ADD3: variants seen among roughly 807,000 people sequenced by gnomAD.
The protein encoded by ADD3 is gamma-adducin.
In ADD3, 25 loss-of-function variants were observed where a neutral mutation model predicts 80.2. The observed-to-expected ratio is 0.31, with a 90% CI of 0.23 to 0.44. The LOEUF (loss-of-function observed/expected upper bound fraction) is 0.44. Ranked by LOEUF, ADD3 falls within the 20% of genes least tolerant of loss-of-function variation. The pLI is 1.00. For synonymous variants in ADD3, 284 were observed against 289.6 expected, an observed-to-expected ratio of 0.98 and a Z score of 0.20; for missense variants, 829 against 847.5, an observed-to-expected ratio of 0.98 and a Z score of 0.27.
At chr10:110,115,723 A>G (rs1351201883) in intron 3 of ADD3, among the ~76,000 whole-genome samples, 3 of 152,214 alleles carry the variant, frequency 2.0e-5, no homozygotes. Flanking sequence ...GTCAAGGAGA[A>G]TGAAGACTGA....
chr10:110,080,792 A>C (rs955890626), intron 1 of ADD3, among the ~76,000 whole-genome samples: 4 of 152,220 alleles, frequency 2.6e-5, no homozygotes, highest in Non-Finnish European at 5.9e-5. Context: ...GTTAAATGCT[A>C]AAACTGACAT....
At chr10:110,049,063 A>C (rs1365878279) in intron 1 of ADD3, among the ~76,000 whole-genome samples, 1 of 152,162 alleles carries the variant, frequency 6.6e-6, no homozygotes, top group African/African-American at 2.4e-5. Context: ...CAATCACTCT[A>C]GCCATGGCTA....
chr10:110,104,586 A>G lies in ADD3; in HGVS notation c.195+3738A>G, dbSNP rs577757401. On this transcript the variant is annotated intron_variant, in intron 2 of 14. Coordinates refer to ENST00000356080, the MANE Select transcript of ADD3 (RefSeq NM_016824.5). Reference sequence around the variant, plus strand: ...AAAATCCATAACCAATAAAGATTAAAGTCAGATTTTACTAATTCATGTTTG... The same window carrying G: ...AAAATCCATAACCAATAAAGATTAAGGTCAGATTTTACTAATTCATGTTTG... Among the ~76,000 whole-genome samples, 183 of 152,376 alleles carry G rather than the reference A, an allele frequency of 1.2e-3. 2 individuals carry two copies. The South Asian group carries it at 0.018, about 15-fold the overall frequency.
chr10:110,112,713 C>T (rs754085841), intron 2 of ADD3, 64 bp from the exon 3 acceptor site: 59 of 1,542,836 alleles, frequency 3.8e-5, no homozygotes, highest in Non-Finnish European at 4.2e-5. Flanking sequence ...TTGATTGTAT[C>T]GGAACAAGTT....
intron 1 of ADD3, among the ~76,000 whole-genome samples, chr10:110,052,823 T>C (rs1261237623): frequency 6.6e-6 from 1 of 152,206 alleles, no homozygotes; most frequent in South Asian, 2.1e-4. Context: ...CTAAGGTCCA[T>C]TCAAAGACAG....
intron 8 of ADD3, 80 bp downstream of exon 8, chr10:110,119,644 C>A: frequency 8.2e-7 from 1 of 1,224,684 alleles, no homozygotes; most frequent in East Asian, 2.3e-5. Flanking sequence ...TTTGCAAATA[C>A]ATATTAGTTA....
At chr10:110,030,169 C>T (rs1283292532) in intron 1 of ADD3, among the ~76,000 whole-genome samples, 1 of 149,906 alleles carries the variant, frequency 6.7e-6, no homozygotes, top group Non-Finnish European at 1.5e-5. Flanking sequence ...ACTAAAAATA[C>T]AAAATTAGCC....
At chr10:110,025,176 G>A (rs950800204) in intron 1 of ADD3, among the ~76,000 whole-genome samples, 2 of 152,080 alleles carry the variant, frequency 1.3e-5, no homozygotes, top group Non-Finnish European at 2.9e-5. Context: ...GATTACAGGT[G>A]TGAGCCACCG....
intron 1 of ADD3, among the ~76,000 whole-genome samples, chr10:110,031,010 T>C (rs960559804): frequency 6.6e-6 from 1 of 151,884 alleles, no homozygotes; most frequent in Non-Finnish European, 1.5e-5. Flanking sequence ...GCACGGTGGC[T>C]CACGCCTGTA....
At chr10:110,066,229 A>C (rs1402734302) in intron 1 of ADD3, among the ~76,000 whole-genome samples, 1 of 152,056 alleles carries the variant, frequency 6.6e-6, no homozygotes, top group Non-Finnish European at 1.5e-5. Context: ...AAAGACAGAT[A>C]AGGCTTTTTG....
chr10:110,058,933 T>G (rs1418632597), intron 1 of ADD3, among the ~76,000 whole-genome samples: 1 of 152,226 alleles, frequency 6.6e-6, no homozygotes, highest in Non-Finnish European at 1.5e-5. Context: ...AACACTGTCT[T>G]CCTTCTTTCC....
At chr10:110,015,098 G>A (rs1852798892) in intron 1 of ADD3, among the ~76,000 whole-genome samples, 1 of 152,096 alleles carries the variant, frequency 6.6e-6, no homozygotes, top group African/African-American at 2.4e-5. Context: ...TGGGAAGGTA[G>A]AATTTTTAAG....
At chr10:110,128,049 A>ATTTTTTTTTTTTTTTTTTTTTTTTTTT (rs71486096) in intron 12 of ADD3, among the ~76,000 whole-genome samples, 1 of 106,016 alleles carries the variant, frequency 9.4e-6, no homozygotes, top group Non-Finnish European at 1.9e-5. Context: ...TTTGTTTAGG[A>ATTTTTTTTTTTTTTTTTTTTTTTTTTT]TTTTTTTTTT....
In ADD3 at chr10:110,111,387, T is replaced by C. The variant is rs543952544; in HGVS notation, c.196-1390T>C. Among the ~76,000 whole-genome samples, 7 of 152,306 alleles carry C rather than the reference T, an allele frequency of 4.6e-5. No homozygotes were observed. The East Asian group carries it at 1.2e-3, about 25-fold the overall frequency. ...AAATGACAAACTTAATAAGTGTTGG[T>C]TGGGTGTGATGGAAAGTCAGAACCA... On this transcript the variant is annotated intron_variant, in intron 2 of 14. Transcript: ENST00000356080.
intron 1 of ADD3, chr10:110,079,288 C>T (rs1427569454): frequency 6.6e-6 from 1 of 152,016 alleles, no homozygotes; most frequent in Non-Finnish European, 1.5e-5. Context: ...CTTTAACGTA[C>T]TTTTAAAAGG....
In ADD3 at chr10:110,130,479, C is replaced by T. The variant is rs755296298; in HGVS notation, c.1725C>T (p.Gly575=). The change falls in exon 13 of 15, where the codon GGC becomes GGT. Residue 575 remains glycine, a synonymous_variant. Coordinates refer to ENST00000356080, the MANE Select transcript of ADD3 (RefSeq NM_016824.5). ...GGACAATCGAACGTAAACAACAAGG[C>T]CTAGAAGGTTAGTTAATCTTTACAT... ...YKRTIERKQQ[G]LEDAEQELLS... 8 of 1,613,140 alleles carry T rather than the reference C, an allele frequency of 5.0e-6. No homozygotes were observed. The highest frequency in any genetic ancestry group is 1.1e-5 in the South Asian group (1 of 90,872).
rs1853399609 is a variant in ADD3, at chr10:110,133,948, G to A, written c.*330G>A. Reference sequence around the variant, plus strand: ...TCTGTTAGAAAGAAATTGCCAGTGAGCAAGTGAGAATTTTTATTTCTCAAT... The same window carrying A: ...TCTGTTAGAAAGAAATTGCCAGTGAACAAGTGAGAATTTTTATTTCTCAAT... On this transcript the variant is annotated 3_prime_UTR_variant, in exon 15 of 15. Coordinates refer to ENST00000356080, the MANE Select transcript of ADD3 (RefSeq NM_016824.5). 5.9e-6 allele frequency: 1 copy of A among 170,754 alleles called. No individual in the cohort carries two copies. Among genetic ancestry groups the A allele is most frequent in the African/African-American group, 2.4e-5 (1 of 42,154 alleles). The allele number at this position is 170,754 out of a possible 1,614,324, so 10.6% of individuals were successfully genotyped here.
chr10:110,099,251 A>G (rs1848532340), intron 1 of ADD3, among the ~76,000 whole-genome samples: 1 of 151,998 alleles, frequency 6.6e-6, no homozygotes, highest in Admixed American at 6.6e-5. Context: ...AAAAAAAAAA[A>G]ATACAAAAAT....
At chr10:110,017,194 T>C (rs983211868) in intron 1 of ADD3, among the ~76,000 whole-genome samples, 1 of 152,190 alleles carries the variant, frequency 6.6e-6, no homozygotes, top group African/African-American at 2.4e-5. Flanking sequence ...CTGATTTATT[T>C]ATGTTTATTT....
Sources: gnomAD v4.1 joint callset for allele counts (sites outside exome capture counted in the v4.1 genomes callset) on GRCh38, gnomAD v4.1.1 for gene constraint, MANE v1.5 for transcripts, NCBI Gene and HGNC (gene_info 2026-07-23, HGNC 2026-07-21) for gene names.